MAP4K5: variants seen among roughly 807,000 people sequenced by gnomAD.
The protein encoded by MAP4K5 is mitogen-activated protein kinase kinase kinase kinase 5.
A neutral mutation model predicts 135.6 loss-of-function variants in MAP4K5; 82 were observed. The ratio of observed to expected loss-of-function variants is 0.60; its 90% CI spans 0.51 to 0.73. The LOEUF is 0.73. Ranked by LOEUF, MAP4K5 falls within the 30% of genes least tolerant of loss-of-function variation. The pLI is 0.00. For missense variants in MAP4K5, 907 were observed against 1,010.9 expected (o/e 0.90, Z 1.39); for synonymous variants, 347 against 335.0 (o/e 1.04, Z -0.39).
intron 27 of MAP4K5, 79 bp downstream of exon 27, chr14:50,434,883 A>G (rs1420394988): frequency 1.1e-5 from 9 of 804,516 alleles, no homozygotes; most frequent in African/African-American, 1.7e-5. Context: ...AGATAGTAGT[A>G]TTGGGATCTG....
chr14:50,460,225 G>A (rs1035579034), intron 13 of MAP4K5, among the ~76,000 whole-genome samples: 1 of 152,006 alleles, frequency 6.6e-6, no homozygotes, highest in African/African-American at 2.4e-5. Flanking sequence ...TCCATCACAT[G>A]TGTAAATTAT....
At chr14:50,471,174 C>T (rs1399818739) in intron 9 of MAP4K5, among the ~76,000 whole-genome samples, 2 of 152,242 alleles carry the variant, frequency 1.3e-5, no homozygotes, top group South Asian at 2.1e-4. Context: ...GCTCTCCCTC[C>T]CTAACCCCTG....
chr14:50,449,511 T>C (rs1305356791), intron 14 of MAP4K5: 1 of 152,124 alleles, frequency 6.6e-6, no homozygotes, highest in African/African-American at 2.4e-5. Flanking sequence ...ATCATAGAGA[T>C]GCAAAATTCC....
chr14:50,462,984 A>G (rs1595468721), intron 12 of MAP4K5, among the ~76,000 whole-genome samples: 1 of 152,322 alleles, frequency 6.6e-6, no homozygotes, highest in Non-Finnish European at 1.5e-5. Context: ...TTTGTAGGGT[A>G]AATTTAGAAA....
chr14:50,553,719 T>A (rs913550480), intron 1 of MAP4K5, among the ~76,000 whole-genome samples: 1 of 152,094 alleles, frequency 6.6e-6, no homozygotes, highest in African/African-American at 2.4e-5. Flanking sequence ...CATCAACCAA[T>A]GAGCGGATAA....
chr14:50,541,890 C>A lies in MAP4K5; in HGVS notation c.-94+609G>T, dbSNP rs1162289841. 2.0e-5 allele frequency among the ~76,000 whole-genome samples: 3 copies of A among 151,194 alleles called. No homozygotes were observed. The East Asian group carries it at 5.9e-4, about 30-fold the overall frequency. ...GGTGCGGTGGCGAGTGCCTGTAGTC[C>A]CAGCTACTTGGGAAGCTGAGGCAGG... On this transcript the variant is annotated intron_variant, in intron 2 of 8. Coordinates refer to the MAP4K5 transcript ENST00000555216.
intron 2 of MAP4K5, among the ~76,000 whole-genome samples, chr14:50,514,243 A>ATT (rs5808555): frequency 7.8e-4 from 116 of 147,838 alleles, no homozygotes; most frequent in South Asian, 2.6e-3. Flanking sequence ...GGCCTGGCTA[A>ATT]TTTTTTTTTT....
rs369116737 is a variant in MAP4K5 at position 50,443,803 on chromosome 14, C to T, written c.1438-33G>A. On this transcript the variant is annotated intron_variant, in intron 19 of 32. Coordinates refer to ENST00000682126, the MANE Select transcript of MAP4K5 (RefSeq NM_006575.6). Reference sequence around the variant, plus strand: ...AAAAATAAAATTTACTAGTGTAAGACCTCCTAAGTCTTAAAAAGAAACTTG... The same window carrying T: ...AAAAATAAAATTTACTAGTGTAAGATCTCCTAAGTCTTAAAAAGAAACTTG... 3.0e-5 allele frequency: 47 copies of T among 1,576,272 alleles called. No individual in the cohort carries two copies. The Middle Eastern group carries it at 1.0e-3, about 34-fold the overall frequency.
In MAP4K5 at chr14:50,509,634, CCTT is replaced by C. The variant is rs1336384064; in HGVS notation, c.109-4780_109-4778del. ...AAAATTATCGAATAAAAGTTAGTAG[CCTT>C]CTAATATGTTTAAAATCCATCTAAA... On this transcript the variant is annotated intron_variant, in intron 2 of 32. Coordinates refer to ENST00000682126, the MANE Select transcript of MAP4K5 (RefSeq NM_006575.6). Among the ~76,000 whole-genome samples, 7 of 151,354 alleles carry C rather than the reference CCTT, an allele frequency of 4.6e-5. 1 individual carries two copies. The highest frequency in any genetic ancestry group is 1.0e-4 in the Non-Finnish European group (7 of 67,854).
At chr14:50,508,252 A>G (rs1310437298) in intron 2 of MAP4K5, among the ~76,000 whole-genome samples, 2 of 152,152 alleles carry the variant, frequency 1.3e-5, no homozygotes, top group African/African-American at 2.4e-5. Context: ...ATGCTGCCAT[A>G]AAGACACATG....
chr14:50,446,019 A>T, intron 17 of MAP4K5, 60 bp downstream of exon 17: 3 of 1,112,704 alleles, frequency 2.7e-6, no homozygotes, highest in Non-Finnish European at 2.5e-6. Context: ...AAATTATTTT[A>T]AAAATTTAAC....
At chr14:50,432,760 G>A (rs2036002253) in intron 28 of MAP4K5, among the ~76,000 whole-genome samples, 1 of 152,014 alleles carries the variant, frequency 6.6e-6, no homozygotes, top group Admixed American at 6.5e-5. Context: ...AAAAAAGTTG[G>A]GCTGTCAGCC....
Position 50,505,903 on chromosome 14 carries a change from G to A in MAP4K5, c.109-1046C>T, listed in dbSNP as rs573775540. 6.1e-5 allele frequency among the ~76,000 whole-genome samples: 9 copies of A among 146,948 alleles called. No individual in the cohort carries two copies. The East Asian group carries it at 9.9e-4, about 16-fold the overall frequency. On this transcript the variant is annotated intron_variant, in intron 2 of 32. Coordinates refer to ENST00000682126, the MANE Select transcript of MAP4K5 (RefSeq NM_006575.6). ...TTGTTTTAAATGGATTCTAAGATAC[G>A]GTATTACTAGGTCAAAGGTTGTGAA...
intron 3 of MAP4K5, among the ~76,000 whole-genome samples, chr14:50,492,969 G>C (rs1388541832): frequency 1.3e-5 from 2 of 150,992 alleles, no homozygotes; most frequent in African/African-American, 4.9e-5. Context: ...ATGAGTTTGA[G>C]GCTGCACTGA....
chr14:50,483,270 CA>C (rs2037292409), intron 5 of MAP4K5: 1 of 152,052 alleles, frequency 6.6e-6, no homozygotes, highest in Non-Finnish European at 1.5e-5. Context: ...TTTTGGCAAC[CA>C]GATCTCTCCC....
At chr14:50,440,159 A>C in intron 22 of MAP4K5, 86 bp from the exon 23 acceptor site, 9 of 978,090 alleles carry the variant, frequency 9.2e-6, no homozygotes, top group Non-Finnish European at 1.3e-5. Context: ...TATAAAAATA[A>C]CTATTTTCTA....
At chr14:50,551,433 T>A in intron 1 of MAP4K5, among the ~76,000 whole-genome samples, 1 of 152,150 alleles carries the variant, frequency 6.6e-6, no homozygotes, top group East Asian at 1.9e-4. Flanking sequence ...CACAGCCGAA[T>A]TGTATCAGAC....
chr14:50,504,830 C>G lies in MAP4K5; in HGVS notation c.136G>C (p.Ala46Pro). The G allele has an allele frequency of 6.4e-7, 1 of 1,557,204 alleles. No individual in the cohort carries two copies. Among genetic ancestry groups the G allele is most frequent in the Non-Finnish European group, 8.7e-7 (1 of 1,150,326 alleles). ...KARNVHTGEL[A>P]AVKIIKLEPG... is the part of the protein sequence containing the mutation. ...TCCAATTTAATGATTTTTACTGCAG[C>G]CAGCTCTCCTGTGTGTACATTTCTG... The change falls in exon 3 of 33, where the codon GCT (alanine) becomes CCT (proline). Residue 46 changes from alanine to proline, a missense_variant. This residue lies in a region of MAP4K5 where 196 missense variants were observed against 189.3 expected (regional missense o/e 1.04). Coordinates refer to ENST00000682126, the MANE Select transcript of MAP4K5 (RefSeq NM_006575.6).
rs540339833 is a variant in MAP4K5, at chr14:50,437,992, G to C, written c.1725C>G (p.Leu575=). 1.9e-6 allele frequency: 3 copies of C among 1,599,960 alleles called. No homozygotes were observed. The highest frequency in any genetic ancestry group is 1.3e-5 in the African/African-American group (1 of 74,708). The stretch of plus-strand genomic sequence containing the variant: ...ACAAAGCTATAAGATTGTGAGAGTA[G>C]AGCTGAAAGGTTTTTCCTATAAAAG... The part of the protein sequence containing the change: ...MSLSEGKTFQ[L]YSHNLIALFE... The change falls in exon 25 of 33, where the codon CTC becomes CTG. Residue 575 remains leucine (L), a synonymous_variant. Transcript: ENST00000682126.
Sources: allele counts gnomAD v4.1 joint callset (sites outside exome capture counted in the v4.1 genomes callset), GRCh38; gene constraint gnomAD v4.1.1; regional missense constraint gnomAD v4.1.1; transcripts MANE v1.5; gene names NCBI Gene and HGNC (gene_info 2026-07-23, HGNC 2026-07-21).